Variants in SLC3A2 observed in about 807,000 individuals in gnomAD.
SLC3A2 encodes the protein amino acid transporter heavy chain SLC3A2.
A neutral mutation model predicts 48.5 loss-of-function variants in SLC3A2; 32 were observed. The ratio of observed to expected loss-of-function variants is 0.66; its 90% CI spans 0.50 to 0.89. The LOEUF is 0.89. SLC3A2 is among the 40% of genes least tolerant of loss of function. The pLI is 0.00. For synonymous variants in SLC3A2, 277 were observed against 288.8 expected (o/e 0.96, Z 0.41); for missense variants, 587 against 680.7 (o/e 0.86, Z 1.53).
intron 2 of SLC3A2, 130 bp downstream of exon 2, chr11:62,882,196 G>A: frequency 9.5e-7 from 1 of 1,049,964 alleles, no homozygotes. Flanking sequence ...GGGGAGATTT[G>A]TTAGTCTTCA....
chr11:62,888,375 G>T lies in SLC3A2; in HGVS notation c.1272G>T (p.Arg424=). Residue 424 remains arginine (R), a synonymous_variant, in exon 9 of 9, where the codon CGG becomes CGT. Coordinates refer to ENST00000338663, the MANE Select transcript of SLC3A2 (RefSeq NM_001013251.3). ...DPGSLLSLFR[R]LSDQRSKERS... The stretch of plus-strand genomic sequence containing the variant: ...GCTCCCTCCTTTCCTTGTTCCGGCG[G>T]CTGAGTGACCAGCGGAGTAAGGAGC... The T allele has an allele frequency of 1.2e-6, 2 of 1,614,208 alleles. No individual in the cohort carries two copies. Among genetic ancestry groups the T allele is most frequent in the Non-Finnish European group, 1.7e-6 (2 of 1,180,036 alleles).
intron 1 of SLC3A2, chr11:62,856,389 A>G: frequency 6.3e-7 from 1 of 1,598,820 alleles, no homozygotes; most frequent in Non-Finnish European, 8.6e-7. Flanking sequence ...CAGGTACTGG[A>G]TCCCGGGCTA....
intron 1 of SLC3A2, among the ~76,000 whole-genome samples, chr11:62,865,698 G>A (rs74572195): frequency 0.022 from 3,404 of 151,834 alleles, 114 homozygotes; most frequent in African/African-American, 0.077. Flanking sequence ...ATGCTTAGTA[G>A]CATCCTTTTT....
At chr11:62,866,816 T>TA (rs1056719020) in intron 1 of SLC3A2, among the ~76,000 whole-genome samples, 10 of 152,188 alleles carry the variant, frequency 6.6e-5, no homozygotes, top group African/African-American at 2.4e-4. Flanking sequence ...AATAAAAACT[T>TA]AAACTTGCTC....
In SLC3A2 at chr11:62,871,709, T is replaced by C. The variant is rs1006845826; in HGVS notation, c.113-9310T>C. ...AGCAAATAACATGCTTGCTATCTGG[T>C]AGAATTTGTCTTTAAAAATACGATT... On this transcript the variant is annotated intron_variant, in intron 1 of 9. Transcript: ENST00000377889. 3.4e-5 allele frequency: 19 copies of C among 561,674 alleles called. No individual in the cohort carries two copies. In the African/African-American group the frequency reaches 3.6e-4, roughly 11 times the overall value. 34.8% of individuals were successfully genotyped at this position (561,674 alleles called of 1,614,324 possible). A position where few individuals can be genotyped will look rare whatever the true frequency, so the allele number is the denominator to read the frequency against.
At chr11:62,858,613 A>G (rs1256430968) in intron 1 of SLC3A2, among the ~76,000 whole-genome samples, 1 of 152,108 alleles carries the variant, frequency 6.6e-6, no homozygotes, top group East Asian at 1.9e-4. Context: ...AGTATAGAGA[A>G]AGAAATAAGG....
At chr11:62,885,878 A>G (rs1479569341) in intron 7 of SLC3A2, among the ~76,000 whole-genome samples, 1 of 152,188 alleles carries the variant, frequency 6.6e-6, no homozygotes. Flanking sequence ...GATGTTTGCT[A>G]TGGTAGCCAC....
At position 62,884,813 on chromosome 11, in the gene SLC3A2, C is replaced by CTTTTTTTTTT. The variant is rs541507991; in HGVS notation, c.818+149_818+158dup. 34 of 56,008 alleles carry CTTTTTTTTTT rather than the reference C, an allele frequency of 6.1e-4. 4 individuals carry two copies. The highest frequency in any genetic ancestry group is 1.4e-3 in the African/African-American group (11 of 7,638). The allele number at this position is 56,008 out of a possible 1,614,324, so 3.5% of individuals were successfully genotyped here. ...TTCTTTACCTTTATTCTTTCTTTAG[C>CTTTTTTTTTT]TTTTTTTTTTTTTTTTTTTTTTTTT... On this transcript the variant is annotated intron_variant, in intron 5 of 8. Coordinates refer to ENST00000338663, the MANE Select transcript of SLC3A2 (RefSeq NM_001013251.3).
intron 1 of SLC3A2, among the ~76,000 whole-genome samples, chr11:62,867,322 C>CTTTTTTTTTTT (rs56758000): frequency 1.8e-3 from 123 of 67,496 alleles, no homozygotes; most frequent in Non-Finnish European, 2.5e-3. Flanking sequence ...CTTTTCTTTT[C>CTTTTTTTTTTT]TTTTTTTTTT....
At chr11:62,879,171 G>A (rs1023398186), upstream of SLC3A2, among the ~76,000 whole-genome samples, 3 of 152,104 alleles carry the variant, frequency 2.0e-5, no homozygotes, top group African/African-American at 7.2e-5. Flanking sequence ...GGGTTCAAGC[G>A]ATTCTCATGC....
chr11:62,870,104 TTTC>T (rs1326685417), intron 1 of SLC3A2, among the ~76,000 whole-genome samples: 5 of 151,834 alleles, frequency 3.3e-5, no homozygotes, highest in African/African-American at 1.2e-4. Context: ...GCCTCTTTTG[TTTC>T]TTCTTTAAAA....
At chr11:62,858,235 G>C (rs1353497151) in intron 1 of SLC3A2, among the ~76,000 whole-genome samples, 1 of 152,172 alleles carries the variant, frequency 6.6e-6, no homozygotes, top group Non-Finnish European at 1.5e-5. Context: ...CTCACGTACA[G>C]AAATCAGCTA....
intron 1 of SLC3A2, among the ~76,000 whole-genome samples, chr11:62,871,389 CCA>C (rs1437143711): frequency 7.3e-4 from 110 of 151,658 alleles, no homozygotes; most frequent in African/African-American, 2.5e-3. Flanking sequence ...CAGGCACCCG[CCA>C]CCATGCCTGA....
At position 62,885,048 on chromosome 11, in the gene SLC3A2, C is replaced by G. The variant is rs1202601787; in HGVS notation, c.819-129C>G. On this transcript the variant is annotated intron_variant, in intron 5 of 8. Transcript: ENST00000338663. ...GTTTCTCCATGTTGGTCAAGCCAGT[C>G]TCGAACTCCTGACCTCAAGTGATCC... 2.0e-5 allele frequency: 20 copies of G among 978,928 alleles called. No homozygotes were observed. In the South Asian group the frequency reaches 3.0e-4, roughly 14 times the overall value. The allele number at this position is 978,928 out of a possible 1,614,324, so 60.6% of individuals were successfully genotyped here. A position where few individuals can be genotyped will look rare whatever the true frequency, so the allele number is the denominator to read the frequency against.
rs1351953370 is a variant in SLC3A2 at position 62,888,556 on chromosome 11, A to T, written c.1453A>T (p.Ser485Cys). Residue 485 changes from serine to cysteine, a missense_variant, in exon 9 of 9, where the codon AGC becomes TGC. Physicochemically the swap from Ser to Cys is moderately radical, Grantham distance 112. Coordinates refer to ENST00000338663, the MANE Select transcript of SLC3A2 (RefSeq NM_001013251.3). ...AGLQASDLPA[S>C]ASLPAKADLL... ...ACTGCAGGCCTCCGACCTGCCTGCC[A>T]GCGCCAGCCTGCCAGCCAAGGCTGA... The T allele has an allele frequency of 6.2e-7, 1 of 1,614,038 alleles. No individual in the cohort carries two copies. Among genetic ancestry groups the T allele is most frequent in the Non-Finnish European group, 8.5e-7 (1 of 1,180,022 alleles).
Position 62,866,743 on chromosome 11 carries a change from A to C in SLC3A2, c.112+10362A>C, listed in dbSNP as rs1422360630. On this transcript the variant is annotated intron_variant, in intron 1 of 9. Transcript: ENST00000377889. The stretch of plus-strand genomic sequence containing the variant: ...GAATAGTATCTGTTCTTATCCTCTA[A>C]CATCTCATCAGTTCTGTACTTGAGG... Among the ~76,000 whole-genome samples the C allele has an allele frequency of 2.0e-5, 3 of 152,070 alleles. No homozygotes were observed. In the East Asian group the frequency reaches 5.8e-4, roughly 29 times the overall value.
intron 1 of SLC3A2, among the ~76,000 whole-genome samples, chr11:62,873,603 T>G (rs1170509670): frequency 6.6e-6 from 1 of 152,060 alleles, no homozygotes; most frequent in Non-Finnish European, 1.5e-5. Context: ...CTGGGAGTAC[T>G]AGGTGTGAGC....
chr11:62,864,490 G>A (rs902399014), intron 1 of SLC3A2, among the ~76,000 whole-genome samples: 5 of 151,692 alleles, frequency 3.3e-5, no homozygotes, highest in African/African-American at 1.2e-4. Context: ...TTTTTGAGAC[G>A]GAGTCTCGCT....
chr11:62,880,865 C>A (rs1487361054), upstream of SLC3A2: 3 of 1,405,638 alleles, frequency 2.1e-6, no homozygotes, highest in African/African-American at 4.3e-5. Context: ...GCTCCGCTGC[C>A]CCTTCCCAGA....
Sources: allele counts gnomAD v4.1 joint callset (sites outside exome capture counted in the v4.1 genomes callset), GRCh38; gene constraint gnomAD v4.1.1; transcripts MANE v1.5; gene names NCBI Gene and HGNC (gene_info 2026-07-23, HGNC 2026-07-21).